Variants in CTNNA2 observed in about 807,000 individuals in gnomAD.
The protein encoded by CTNNA2 is catenin alpha-2.
In CTNNA2, 42 loss-of-function variants were observed where a neutral mutation model predicts 101.0. That is an observed-to-expected ratio of 0.42 (90% confidence interval 0.32 to 0.54). The LOEUF (loss-of-function observed/expected upper bound fraction) is 0.54, where lower values mean the gene tolerates loss of function less well. Among genes scored for constraint, CTNNA2 ranks in the 20% least tolerant of loss-of-function variants. CTNNA2 has a pLI of 0.14. For synonymous variants in CTNNA2, 450 were observed against 456.4 expected (o/e 0.99, Z 0.18); for missense variants, 871 against 1,223.1 (o/e 0.71, Z 4.29).
intron 7 of CTNNA2, among the ~76,000 whole-genome samples, chr2:80,189,333 A>T (rs1255342514): frequency 6.6e-6 from 1 of 152,170 alleles, no homozygotes; most frequent in East Asian, 1.9e-4. Context: ...CTGAGTGCTG[A>T]TTCTCTTCTG....
intron 7 of CTNNA2, among the ~76,000 whole-genome samples, chr2:80,005,666 T>C (rs1031343254): frequency 2.0e-4 from 19 of 96,768 alleles, no homozygotes; most frequent in African/African-American, 5.2e-4. Flanking sequence ...GTTCTACTTA[T>C]AGATTTTTTA....
chr2:79,863,368 G>T (rs1455218584), intron 4 of CTNNA2, among the ~76,000 whole-genome samples: 1 of 152,186 alleles, frequency 6.6e-6, no homozygotes, highest in African/African-American at 2.4e-5. Context: ...TGATGTGGTT[G>T]GGAGAGGGAG....
intron 3 of CTNNA2, among the ~76,000 whole-genome samples, chr2:79,843,587 G>A (rs1473301102): frequency 6.6e-6 from 1 of 152,118 alleles, no homozygotes; most frequent in Non-Finnish European, 1.5e-5. Context: ...CTAGGTTTCT[G>A]CTCAGTAATG....
intron 2 of CTNNA2, among the ~76,000 whole-genome samples, chr2:79,268,603 C>T (rs1196898155): frequency 1.3e-5 from 2 of 152,114 alleles, no homozygotes; most frequent in East Asian, 3.9e-4. Context: ...TGATTGGCGT[C>T]TGAAGCCAGG....
At chr2:80,063,900 T>C (rs914708289) in intron 7 of CTNNA2, among the ~76,000 whole-genome samples, 2 of 152,230 alleles carry the variant, frequency 1.3e-5, no homozygotes, top group African/African-American at 4.8e-5. Context: ...ATGGATCTTT[T>C]CTGATGGCCC....
chr2:80,258,722 G>T (rs1348050292), intron 7 of CTNNA2, among the ~76,000 whole-genome samples: 1 of 152,158 alleles, frequency 6.6e-6, no homozygotes, highest in East Asian at 1.9e-4. Context: ...ATAACCGGCA[G>T]GGAAGGCAGA....
chr2:79,924,265 G>C (rs1402387634), intron 7 of CTNNA2, among the ~76,000 whole-genome samples: 5 of 152,050 alleles, frequency 3.3e-5, no homozygotes, highest in Non-Finnish European at 5.9e-5. Flanking sequence ...TCCAGGAGAA[G>C]CTGATGTCTC....
At chr2:79,643,343 A>C (rs1015712201) in intron 1 of CTNNA2, among the ~76,000 whole-genome samples, 1 of 152,098 alleles carries the variant, frequency 6.6e-6, no homozygotes, top group Non-Finnish European at 1.5e-5. Context: ...CCCCACTGGC[A>C]TGTGTGGTGA....
At chr2:79,735,777 G>T (rs985056603) in intron 2 of CTNNA2, among the ~76,000 whole-genome samples, 2 of 152,136 alleles carry the variant, frequency 1.3e-5, no homozygotes, top group South Asian at 2.1e-4. Flanking sequence ...CAGAAAGCTG[G>T]TCTTCCAGGT....
chr2:79,988,309 G>A (rs965943801), intron 7 of CTNNA2, among the ~76,000 whole-genome samples: 2 of 152,178 alleles, frequency 1.3e-5, no homozygotes, highest in Admixed American at 6.5e-5. Flanking sequence ...CACTATCATC[G>A]TGGAGGCCAG....
chr2:79,936,340 C>T (rs961272106), intron 7 of CTNNA2, among the ~76,000 whole-genome samples: 1 of 151,390 alleles, frequency 6.6e-6, no homozygotes, highest in Admixed American at 6.6e-5. Flanking sequence ...CTACAGTTTA[C>T]GGTATTATTT....
intron 2 of CTNNA2, among the ~76,000 whole-genome samples, chr2:79,267,728 G>T (rs1051545041): frequency 3.3e-5 from 5 of 152,122 alleles, no homozygotes; most frequent in Admixed American, 1.3e-4. Context: ...ATGCTGAACT[G>T]GTGGTGGGGA....
intron 3 of CTNNA2, among the ~76,000 whole-genome samples, chr2:79,343,826 C>T (rs985928543): frequency 1.3e-5 from 2 of 152,036 alleles, no homozygotes; most frequent in African/African-American, 4.8e-5. Context: ...GCTATTCATC[C>T]TTGACCTACA....
intron 9 of CTNNA2, among the ~76,000 whole-genome samples, chr2:80,527,526 T>G (rs1326197837): frequency 1.3e-5 from 2 of 152,154 alleles, no homozygotes; most frequent in Non-Finnish European, 1.5e-5. Context: ...ATCTGCTTTA[T>G]CTTAAGTGGC....
chr2:80,034,794 G>T (rs1695543986), intron 7 of CTNNA2, among the ~76,000 whole-genome samples: 1 of 152,114 alleles, frequency 6.6e-6, no homozygotes, highest in Non-Finnish European at 1.5e-5. Flanking sequence ...TGAGGAAATG[G>T]ACATTCTCAT....
At chr2:80,577,655 G>A (rs963669507) in intron 13 of CTNNA2, among the ~76,000 whole-genome samples, 11 of 129,916 alleles carry the variant, frequency 8.5e-5, no homozygotes, top group African/African-American at 3.0e-4. Context: ...CTTGCTGGTC[G>A]CCAATCACTC....
chr2:79,592,306 A>G (rs901955613), intron 1 of CTNNA2, among the ~76,000 whole-genome samples: 2 of 151,036 alleles, frequency 1.3e-5, no homozygotes, highest in African/African-American at 4.9e-5. Flanking sequence ...TTAATTTTGT[A>G]TTTTTAGTAG....
chr2:79,344,555 A>C (rs1447154490), intron 3 of CTNNA2, among the ~76,000 whole-genome samples: 1 of 152,066 alleles, frequency 6.6e-6, no homozygotes, highest in African/African-American at 2.4e-5. Flanking sequence ...CTTATGAGTT[A>C]ACTCTAAATA....
intron 7 of CTNNA2, among the ~76,000 whole-genome samples, chr2:79,939,676 G>A (rs1688018679): frequency 6.6e-6 from 1 of 152,050 alleles, no homozygotes; most frequent in Non-Finnish European, 1.5e-5. Flanking sequence ...TAAAAGTTTA[G>A]CAATAAGTCT....
Sources: allele counts gnomAD v4.1 joint callset (sites outside exome capture counted in the v4.1 genomes callset), GRCh38; gene constraint gnomAD v4.1.1; transcripts MANE v1.5; gene names NCBI Gene and HGNC (gene_info 2026-07-23, HGNC 2026-07-21).